The following ABLIM1 variants were observed in gnomAD, a reference collection of about 807,000 sequenced individuals.
ABLIM1 encodes the protein actin-binding LIM protein 1.
In ABLIM1, 40 loss-of-function variants were observed where a neutral mutation model predicts 107.0. The observed-to-expected ratio is 0.37, with a 90% CI of 0.29 to 0.49. ABLIM1 has a LOEUF of 0.49. Ranked by LOEUF, ABLIM1 falls within the 20% of genes least tolerant of loss-of-function variation. ABLIM1 has a pLI of 0.97. For missense variants in ABLIM1, 857 were observed against 1,008.5 expected, an observed-to-expected ratio of 0.85 and a Z score of 2.04; for synonymous variants, 357 against 357.3, an observed-to-expected ratio of 1.00 and a Z score of 0.01.
chr10:114,679,650 A>AG (rs1039093475), intron 1 of ABLIM1, among the ~76,000 whole-genome samples: 1 of 151,944 alleles, frequency 6.6e-6, no homozygotes, highest in African/African-American at 2.4e-5. Context: ...AAAAAAAAAA[A>AG]AAAGAAATAT....
chr10:114,723,396 G>A (rs1473292542), intron 1 of ABLIM1, among the ~76,000 whole-genome samples: 1 of 152,172 alleles, frequency 6.6e-6, no homozygotes, highest in African/African-American at 2.4e-5. Context: ...GGAATAAAGG[G>A]GCAGGGAGAT....
chr10:114,557,155 C>T (rs964468770), intron 4 of ABLIM1, among the ~76,000 whole-genome samples: 10 of 152,030 alleles, frequency 6.6e-5, no homozygotes, highest in African/African-American at 1.7e-4. Flanking sequence ...AATAATGGCT[C>T]GATGATTTTG....
chr10:114,606,523 C>T lies in ABLIM1; in HGVS notation c.245-4562G>A, dbSNP rs138713305. Among the ~76,000 whole-genome samples, 32 of 152,206 alleles carry T rather than the reference C, an allele frequency of 2.1e-4. 1 individual carries two copies. The East Asian group carries it at 5.0e-3, about 24-fold the overall frequency. On this transcript the variant is annotated intron_variant, in intron 1 of 22. Coordinates refer to ENST00000533213, the MANE Select transcript of ABLIM1 (RefSeq NM_002313.7). Reference sequence around the variant, plus strand: ...TGCTGAGATTACAGGCGTAAGGCACCGCACCCAGCCCAGAGTACTCTTAGT... The same window carrying T: ...TGCTGAGATTACAGGCGTAAGGCACTGCACCCAGCCCAGAGTACTCTTAGT...
At chr10:114,705,524 A>G (rs2081402680) in intron 1 of ABLIM1, among the ~76,000 whole-genome samples, 1 of 152,210 alleles carries the variant, frequency 6.6e-6, no homozygotes, top group African/African-American at 2.4e-5. Context: ...GGCTTGACAT[A>G]ACGAGTAAGG....
chr10:114,628,163 T>C (rs1373018625), intron 1 of ABLIM1, among the ~76,000 whole-genome samples: 2 of 151,810 alleles, frequency 1.3e-5, no homozygotes, highest in Non-Finnish European at 2.9e-5. Context: ...TGTCACCCTC[T>C]GTGCTCAAGG....
At chr10:114,454,357 A>T (rs7080135) in intron 12 of ABLIM1, among the ~76,000 whole-genome samples, 54 of 152,058 alleles carry the variant, frequency 3.6e-4, no homozygotes, top group African/African-American at 1.2e-3. Flanking sequence ...GATGAAGGTG[A>T]CACCAATTCT....
intron 4 of ABLIM1, among the ~76,000 whole-genome samples, chr10:114,555,605 G>A (rs1353697588): frequency 2.6e-5 from 4 of 152,178 alleles, no homozygotes. Flanking sequence ...ATTGTGAACT[G>A]AATGTAAATC....
intron 4 of ABLIM1, among the ~76,000 whole-genome samples, chr10:114,559,142 T>A (rs566255979): frequency 3.3e-5 from 5 of 152,228 alleles, no homozygotes; most frequent in African/African-American, 1.2e-4. Context: ...TTTCTGAGGA[T>A]GTCAATATCA....
intron 1 of ABLIM1, among the ~76,000 whole-genome samples, chr10:114,638,938 A>T (rs2078610770): frequency 6.6e-6 from 1 of 152,206 alleles, no homozygotes; most frequent in South Asian, 2.1e-4. Flanking sequence ...AGTGCAGTGT[A>T]ATCATCCACC....
chr10:114,555,269 C>T (rs1433852805), intron 4 of ABLIM1, among the ~76,000 whole-genome samples: 1 of 152,182 alleles, frequency 6.6e-6, no homozygotes, highest in East Asian at 1.9e-4. Flanking sequence ...TAGAGATTAT[C>T]TGCATTTTAC....
chr10:114,741,766 T>C (rs1332460272), intron 1 of ABLIM1, among the ~76,000 whole-genome samples: 1 of 152,208 alleles, frequency 6.6e-6, no homozygotes, highest in Non-Finnish European at 1.5e-5. Flanking sequence ...ATCCTGCTAG[T>C]TCAAATAATA....
intron 6 of ABLIM1, among the ~76,000 whole-genome samples, chr10:114,504,503 C>T (rs1325645202): frequency 2.6e-5 from 4 of 152,102 alleles, no homozygotes; most frequent in African/African-American, 4.8e-5. Context: ...AATACAGAAG[C>T]TAACCGCCTG....
intron 12 of ABLIM1, among the ~76,000 whole-genome samples, chr10:114,455,185 T>A (rs1248277454): frequency 6.6e-6 from 1 of 152,206 alleles, no homozygotes; most frequent in Non-Finnish European, 1.5e-5. Context: ...CTACACTAAA[T>A]GGGCAGTAAG....
intron 20 of ABLIM1, 159 bp downstream of exon 20, chr10:114,439,923 G>C: frequency 7.8e-7 from 1 of 1,278,304 alleles, no homozygotes; most frequent in African/African-American, 1.5e-5. Flanking sequence ...CCAGGCACCA[G>C]GCATGTCTGC....
intron 1 of ABLIM1, among the ~76,000 whole-genome samples, chr10:114,636,981 C>T (rs893133858): frequency 1.4e-5 from 2 of 147,882 alleles, no homozygotes; most frequent in South Asian, 2.1e-4. Flanking sequence ...TGCAGTGAGC[C>T]GAAATTTCAC....
chr10:114,697,065 C>T (rs1354286019), intron 1 of ABLIM1, among the ~76,000 whole-genome samples: 1 of 152,162 alleles, frequency 6.6e-6, no homozygotes. Flanking sequence ...CTCTCGGCCT[C>T]ATGACTCAGG....
chr10:114,557,021 C>G (rs2497733), intron 4 of ABLIM1, among the ~76,000 whole-genome samples: 42,202 of 152,096 alleles, frequency 0.28, 7,002 homozygotes, highest in African/African-American at 0.46. Context: ...GCCAGAAAAG[C>G]AATACAAGGT....
intron 1 of ABLIM1, among the ~76,000 whole-genome samples, chr10:114,649,163 C>T (rs948647339): frequency 6.6e-6 from 1 of 151,912 alleles, no homozygotes; most frequent in Admixed American, 6.6e-5. Context: ...TTTGGGAGGC[C>T]GAGGCGGGCA....
At chr10:114,627,261 A>T (rs1440106853) in intron 1 of ABLIM1, among the ~76,000 whole-genome samples, 1 of 152,146 alleles carries the variant, frequency 6.6e-6, no homozygotes, top group East Asian at 1.9e-4. Flanking sequence ...TCAATTTATT[A>T]TATGTCCACA....
Sources: gnomAD v4.1 joint callset for allele counts (sites outside exome capture counted in the v4.1 genomes callset) on GRCh38, gnomAD v4.1.1 for gene constraint, MANE v1.5 for transcripts, NCBI Gene and HGNC (gene_info 2026-07-23, HGNC 2026-07-21) for gene names.